NUP214: variants seen among roughly 807,000 people sequenced by gnomAD.
The protein encoded by NUP214 is nucleoporin 214.
In NUP214, 79 loss-of-function variants were observed where a neutral mutation model predicts 196.2. That is an observed-to-expected ratio of 0.40 (90% CI 0.34 to 0.49). The LOEUF (loss-of-function observed/expected upper bound fraction) is 0.49, where lower values mean the gene tolerates loss of function less well. NUP214 is among the 20% of genes least tolerant of loss of function. The probability of loss-of-function intolerance (pLI) is 0.58; values close to 1 mark genes in which losing one functional copy is unlikely to be tolerated. For synonymous variants in NUP214, 1,020 were observed against 990.5 expected (o/e 1.03, Z -0.56); for missense variants, 2,468 against 2,539.0 (o/e 0.97, Z 0.60).
chr9:131,209,660 C>T (rs1434075238), intron 30 of NUP214, among the ~76,000 whole-genome samples: 1 of 152,152 alleles, frequency 6.6e-6, no homozygotes, highest in African/African-American at 2.4e-5. Flanking sequence ...TCCCAAAGTG[C>T]TGGGATTACA....
intron 14 of NUP214, 72 bp downstream of exon 14, chr9:131,147,656 G>T: frequency 8.9e-7 from 1 of 1,127,638 alleles, no homozygotes; most frequent in South Asian, 1.3e-5. Context: ...TGAATAAAAT[G>T]AGTTTTCATG....
At chr9:131,231,442 C>T (rs1407330085) in intron 34 of NUP214, among the ~76,000 whole-genome samples, 1 of 151,980 alleles carries the variant, frequency 6.6e-6, no homozygotes, top group African/African-American at 2.4e-5. Context: ...CCACCCACCT[C>T]GGCCTCCCAG....
chr9:131,185,248 G>C (rs1833421623), intron 24 of NUP214, among the ~76,000 whole-genome samples: 1 of 152,192 alleles, frequency 6.6e-6, no homozygotes, highest in Admixed American at 6.5e-5. Flanking sequence ...GTCTGCCTCT[G>C]TTGGCATGTA....
intron 26 of NUP214, 75 bp downstream of exon 26, chr9:131,189,206 A>T (rs1833535005): frequency 8.3e-7 from 1 of 1,200,204 alleles, no homozygotes; most frequent in East Asian, 2.3e-5. Flanking sequence ...TGGATCACTG[A>T]GACAGTTGCC....
In NUP214 at chr9:131,178,409, G is replaced by T. The variant is rs778703848; in HGVS notation, c.3418G>T (p.Gly1140Cys). 3 of 1,609,402 alleles carry T rather than the reference G, an allele frequency of 1.9e-6. No homozygotes were observed. The Admixed American group carries it at 5.0e-5, about 27-fold the overall frequency. ...NNPATPSTAM[G>C]SSVPYSTAKT... ...CCCTGCAACCCCTTCTACAGCCATGGGGTATGTTCTGACTGCAGTGTGTTT... is the reference window on the plus strand; with the variant it reads ...CCCTGCAACCCCTTCTACAGCCATGTGGTATGTTCTGACTGCAGTGTGTTT... Residue 1140 changes from glycine (G) to cysteine (C), a missense_variant and splice_region_variant, in exon 24 of 36, where the codon GGT becomes TGT. Physicochemically the swap from Gly to Cys is radical, Grantham distance 159. Transcript: ENST00000359428.
intron 31 of NUP214, 77 bp downstream of exon 31, chr9:131,215,445 G>A (rs932723273): frequency 1.5e-6 from 2 of 1,316,894 alleles, no homozygotes; most frequent in African/African-American, 3.0e-5. Flanking sequence ...CAAAGCTTCA[G>A]TGACAAATAT....
At chr9:131,159,869 A>C (rs896525319) in intron 18 of NUP214, among the ~76,000 whole-genome samples, 3 of 152,098 alleles carry the variant, frequency 2.0e-5, no homozygotes, top group Non-Finnish European at 2.9e-5. Context: ...AAAAAAAAAA[A>C]AACAAGAAAG....
Position 131,159,506 on chromosome 9 carries a change from T to C in NUP214, c.2540+20T>C. The C allele has an allele frequency of 1.3e-6, 2 of 1,536,872 alleles. No individual in the cohort carries two copies. Among genetic ancestry groups the C allele is most frequent in the Non-Finnish European group, 1.8e-6 (2 of 1,110,290 alleles). The stretch of plus-strand genomic sequence containing the variant: ...ACAAAGGTGAATGAGATCTCTCATC[T>C]GCAATGTGTTGGAATAGATATTGCT... On this transcript the variant is annotated intron_variant, in intron 18 of 35. Transcript: ENST00000359428.
At chr9:131,128,617 T>C in intron 3 of NUP214, 134 bp downstream of exon 3, 4 of 692,720 alleles carry the variant, frequency 5.8e-6, no homozygotes, top group Non-Finnish European at 8.8e-6. Flanking sequence ...TAAAAAAAAA[T>C]CCTTAATTAT....
intron 15 of NUP214, 29 bp from the exon 16 acceptor site, chr9:131,150,587 G>T: frequency 1.2e-6 from 2 of 1,608,140 alleles, no homozygotes; most frequent in South Asian, 2.2e-5. Context: ...CCTTCAGACT[G>T]AGTAGTTCCT....
intron 26 of NUP214, chr9:131,189,835 A>C (rs1411852625): frequency 6.6e-6 from 1 of 152,434 alleles, no homozygotes; most frequent in East Asian, 1.9e-4. Flanking sequence ...GGCGTGTATT[A>C]CTTCCTGCTG....
chr9:131,139,135 C>G (rs977514926), intron 9 of NUP214, 146 bp from the exon 10 acceptor site: 4 of 894,214 alleles, frequency 4.5e-6, no homozygotes, highest in Admixed American at 4.1e-5. Flanking sequence ...TCAGAGCCTC[C>G]TAGTCAACAC....
At chr9:131,233,369 C>A in intron 35 of NUP214, 85 bp from the exon 36 acceptor site, 1 of 1,398,622 alleles carries the variant, frequency 7.1e-7, no homozygotes, top group South Asian at 1.4e-5. Context: ...GAGTCCTGAC[C>A]TTTGCACACA....
At position 131,215,298 on chromosome 9, in the gene NUP214, C is replaced by T; in HGVS notation, c.5679C>T (p.Pro1893=). 1 of 1,610,338 alleles carries T rather than the reference C, an allele frequency of 6.2e-7. No homozygotes were observed. The highest frequency in any genetic ancestry group is 8.5e-7 in the Non-Finnish European group (1 of 1,178,246). ...TCTTCAGTGGCCTTGGAGGAAAACC[C>T]AGTCAGGATGCAGCCAACAAAAACC... ...GGFFSGLGGK[P]SQDAANKNPF... The change falls in exon 31 of 36, where the codon CCC becomes CCT. Residue 1893 remains proline (P), a synonymous_variant. Transcript: ENST00000359428.
chr9:131,176,692 A>G (rs1034668841), intron 23 of NUP214, among the ~76,000 whole-genome samples: 2 of 152,210 alleles, frequency 1.3e-5, no homozygotes, highest in African/African-American at 4.8e-5. Flanking sequence ...TAAGTCAGTT[A>G]GCACTTAACA....
chr9:131,151,953 C>T (rs1832281869), intron 17 of NUP214, 59 bp downstream of exon 17: 2 of 1,369,822 alleles, frequency 1.5e-6, no homozygotes, highest in Non-Finnish European at 2.0e-6. Context: ...GTAACAATTG[C>T]TACCTCTTTT....
At chr9:131,154,263 G>C (rs994096089) in intron 17 of NUP214, among the ~76,000 whole-genome samples, 54 of 152,036 alleles carry the variant, frequency 3.6e-4, no homozygotes, top group African/African-American at 1.3e-3. Flanking sequence ...GGGGACAAGT[G>C]GTGTTTGGTT....
chr9:131,186,399 G>A (rs1251131069), intron 24 of NUP214, among the ~76,000 whole-genome samples: 1 of 152,152 alleles, frequency 6.6e-6, no homozygotes, highest in Non-Finnish European at 1.5e-5. Context: ...TAAGCTGTTT[G>A]ATAATTTTCT....
At chr9:131,223,733 T>A (rs1181441673) in intron 32 of NUP214, among the ~76,000 whole-genome samples, 43 of 31,784 alleles carry the variant, frequency 1.4e-3, no homozygotes, top group African/African-American at 3.0e-3. Context: ...ATTTATTTTT[T>A]TTTTTTTTTT....
Sources: gnomAD v4.1 joint callset for allele counts (sites outside exome capture counted in the v4.1 genomes callset) on GRCh38, gnomAD v4.1.1 for gene constraint, MANE v1.5 for transcripts, NCBI Gene and HGNC (gene_info 2026-07-23, HGNC 2026-07-21) for gene names.